The following DSCAM variants were observed in gnomAD, a reference collection of about 807,000 sequenced individuals.
DSCAM encodes DS cell adhesion molecule.
A neutral mutation model predicts 217.7 loss-of-function variants in DSCAM; 47 were observed. That is an observed-to-expected ratio of 0.22 (90% CI 0.17 to 0.28). The LOEUF (loss-of-function observed/expected upper bound fraction) is 0.28. DSCAM is among the 10% of genes least tolerant of loss of function. The pLI is 1.00. For synonymous variants in DSCAM, 1,056 were observed against 1,015.3 expected (o/e 1.04, Z -0.76); for missense variants, 2,080 against 2,618.3 (o/e 0.79, Z 4.49).
At chr21:40,782,499 G>A (rs1601253266) in intron 1 of DSCAM, among the ~76,000 whole-genome samples, 1 of 152,158 alleles carries the variant, frequency 6.6e-6, no homozygotes, top group Non-Finnish European at 1.5e-5. Flanking sequence ...AGGCCGAGGC[G>A]GGAGGATCGC....
intron 32 of DSCAM, 35 bp from the exon 33 acceptor site, chr21:40,013,421 T>C: frequency 6.9e-7 from 1 of 1,457,680 alleles, no homozygotes; most frequent in Non-Finnish European, 9.2e-7. Flanking sequence ...GTTGGTGTCT[T>C]CATTTGGTAA....
chr21:40,317,633 G>A (rs2074213153), intron 8 of DSCAM, among the ~76,000 whole-genome samples: 1 of 152,064 alleles, frequency 6.6e-6, no homozygotes, highest in African/African-American at 2.4e-5. Flanking sequence ...GGGCTCAAGT[G>A]ATTCTCCTGC....
chr21:40,016,119 C>T lies in DSCAM; in HGVS notation c.5687-2733G>A, dbSNP rs184784117. Among the ~76,000 whole-genome samples the T allele has an allele frequency of 3.3e-5, 5 of 152,162 alleles. No individual in the cohort carries two copies. Among genetic ancestry groups the T allele is most frequent in the Admixed American group, 1.3e-4 (2 of 15,292 alleles). On this transcript the variant is annotated intron_variant, in intron 32 of 32. Coordinates refer to ENST00000400454, the MANE Select transcript of DSCAM (RefSeq NM_001389.5). The surrounding 1 kb of genome is among the most constrained non-coding windows in gnomAD (Gnocchi z 4.3). ...GGGCTGGTGGTGTGTGGTCCTGGAG[C>T]GAGGGCCCAGGGTAAAGGATGTGCA...
In DSCAM at chr21:40,024,452, AC is replaced by A; in HGVS notation, c.5687-11067del. ...GGGGATGGCACTGAATCTGTAAATT[AC>A]CTTGGGCAGTATGGCCATTTTCACG... On this transcript the variant is annotated intron_variant, in intron 32 of 32. Transcript: ENST00000400454. Among the ~76,000 whole-genome samples, 2 of 77,170 alleles carry A rather than the reference AC, an allele frequency of 2.6e-5. 1 individual carries two copies. Among genetic ancestry groups the A allele is most frequent in the Middle Eastern group, 0.014 (2 of 146 alleles). 50.6% of individuals were successfully genotyped at this position (77,170 alleles called of 152,430 possible).
intron 3 of DSCAM, among the ~76,000 whole-genome samples, chr21:40,435,658 T>C (rs2075576379): frequency 6.6e-6 from 1 of 152,174 alleles, no homozygotes. Flanking sequence ...CTCCTTTGAA[T>C]TGCTTTTGTA....
At chr21:40,607,565 C>T (rs982221399) in intron 3 of DSCAM, among the ~76,000 whole-genome samples, 2 of 151,846 alleles carry the variant, frequency 1.3e-5, no homozygotes, top group East Asian at 1.9e-4. Context: ...ATAATTCCCA[C>T]GTGTCATGGG....
intron 3 of DSCAM, among the ~76,000 whole-genome samples, chr21:40,550,708 TTTAA>T (rs1455158041): frequency 6.6e-6 from 1 of 152,064 alleles, no homozygotes. Flanking sequence ...TTTAACAGAG[TTTAA>T]TTGAGCAAAG....
chr21:40,043,900 G>A (rs953252544), intron 31 of DSCAM, among the ~76,000 whole-genome samples, 178 bp downstream of exon 31: 4 of 152,196 alleles, frequency 2.6e-5, no homozygotes, highest in African/African-American at 9.6e-5. Context: ...TGGAGTAAAG[G>A]CTGTGCAGTT....
At chr21:40,449,548 A>C (rs2075702526) in intron 3 of DSCAM, among the ~76,000 whole-genome samples, 1 of 152,206 alleles carries the variant, frequency 6.6e-6, no homozygotes, top group Non-Finnish European at 1.5e-5. Flanking sequence ...TGTGTGACCA[A>C]AAAAGTGATT....
At chr21:40,239,968 T>C (rs1222888574) in intron 11 of DSCAM, among the ~76,000 whole-genome samples, 1 of 152,182 alleles carries the variant, frequency 6.6e-6, no homozygotes, top group African/African-American at 2.4e-5. Flanking sequence ...GAACACTGGA[T>C]AGGGAGGCTA....
At chr21:40,100,469 C>T (rs2089735809) in intron 20 of DSCAM, among the ~76,000 whole-genome samples, 1 of 152,084 alleles carries the variant, frequency 6.6e-6, no homozygotes, top group Non-Finnish European at 1.5e-5. Flanking sequence ...GATTTTCCAA[C>T]ACAACAATCC....
chr21:40,144,831 T>G lies in DSCAM; in HGVS notation c.3019-100A>C. The G allele has an allele frequency of 6.6e-7, 1 of 1,522,182 alleles. No homozygotes were observed. Among genetic ancestry groups the G allele is most frequent in the Non-Finnish European group, 8.9e-7 (1 of 1,126,060 alleles). The allele number at this position is 1,522,182 out of a possible 1,614,324, so 94.3% of individuals were successfully genotyped here. The stretch of plus-strand genomic sequence containing the variant: ...GTAGGAAAGCAGAAATAAAGTGGAG[T>G]CATCGCCACGATGCTGGGGCGGTGG... On this transcript the variant is annotated intron_variant, in intron 16 of 32. Transcript: ENST00000400454. This position sits in a 1 kb window ranked among gnomAD's most constrained non-coding sequence, Gnocchi z 4.8.
chr21:40,470,286 T>C (rs1167493686), intron 3 of DSCAM, among the ~76,000 whole-genome samples: 2 of 152,244 alleles, frequency 1.3e-5, no homozygotes, highest in African/African-American at 2.4e-5. Flanking sequence ...ATGTTACGTG[T>C]CTGCCTTGCA....
chr21:40,646,316 G>A (rs1230011075), intron 3 of DSCAM, among the ~76,000 whole-genome samples: 1 of 151,822 alleles, frequency 6.6e-6, no homozygotes, highest in Non-Finnish European at 1.5e-5. Context: ...TTGGGAGGCT[G>A]AGGCAGGAGG....
chr21:40,456,497 A>G (rs1006905859), intron 3 of DSCAM, among the ~76,000 whole-genome samples: 3 of 152,138 alleles, frequency 2.0e-5, no homozygotes, highest in African/African-American at 7.2e-5. Context: ...CAGGAATTGC[A>G]GGGGCTGTAA....
intron 11 of DSCAM, among the ~76,000 whole-genome samples, chr21:40,194,564 G>C (rs563433134): frequency 1.3e-5 from 2 of 152,162 alleles, no homozygotes; most frequent in African/African-American, 4.8e-5. Context: ...TGTGTGCTGC[G>C]TGCCTCTCTT....
intron 3 of DSCAM, among the ~76,000 whole-genome samples, chr21:40,407,953 C>T (rs1440713295): frequency 6.6e-6 from 1 of 152,160 alleles, no homozygotes; most frequent in Non-Finnish European, 1.5e-5. Flanking sequence ...CTTGATGGTT[C>T]CTTATCTTTC....
intron 3 of DSCAM, among the ~76,000 whole-genome samples, chr21:40,420,194 G>A (rs555183142): frequency 1.2e-4 from 18 of 151,570 alleles, no homozygotes; most frequent in African/African-American, 1.7e-4. Flanking sequence ...AAATAAGCCC[G>A]GTGAGAAATT....
intron 20 of DSCAM, among the ~76,000 whole-genome samples, chr21:40,112,068 A>C (rs7283526): frequency 0.089 from 13,443 of 150,850 alleles, 946 homozygotes; most frequent in East Asian, 0.3. Context: ...AAGCGGACCT[A>C]ATAGACATCT....
Sources: allele counts gnomAD v4.1 joint callset (sites outside exome capture counted in the v4.1 genomes callset), GRCh38; gene constraint gnomAD v4.1.1; non-coding constraint Gnocchi (gnomAD v3.1); transcripts MANE v1.5; gene names NCBI Gene and HGNC (gene_info 2026-07-23, HGNC 2026-07-21).